CAB39L: variants seen among roughly 807,000 people sequenced by gnomAD.
CAB39L encodes calcium-binding protein 39-like.
CAB39L carries 23 observed loss-of-function variants against 39.1 expected under a neutral mutation model. The observed-to-expected ratio is 0.59, with a 90% CI of 0.42 to 0.83. The LOEUF is 0.83. Among genes scored for constraint, CAB39L ranks in the 40% least tolerant of loss-of-function variants. CAB39L has a pLI of 0.00. For missense variants in CAB39L, 366 were observed against 391.9 expected, an observed-to-expected ratio of 0.93 and a Z score of 0.56; for synonymous variants, 126 against 137.2, an observed-to-expected ratio of 0.92 and a Z score of 0.57.
chr13:49,393,858 A>G (rs1051487501), intron 3 of CAB39L, among the ~76,000 whole-genome samples: 2 of 151,948 alleles, frequency 1.3e-5, no homozygotes, highest in Admixed American at 6.6e-5. Context: ...AAATTTTAAA[A>G]AGGAAAATTA....
intron 4 of CAB39L, among the ~76,000 whole-genome samples, chr13:49,377,751 C>T (rs1280763507): frequency 1.1e-5 from 1 of 87,082 alleles, no homozygotes. Flanking sequence ...ACAACCTACA[C>T]CTCCCAGCCG....
intron 1 of CAB39L, among the ~76,000 whole-genome samples, chr13:49,436,736 A>G (rs1209344427): frequency 6.6e-6 from 1 of 151,978 alleles, no homozygotes; most frequent in Non-Finnish European, 1.5e-5. Context: ...TCCTGAGTTC[A>G]GTAAATTCAC....
intron 9 of CAB39L, among the ~76,000 whole-genome samples, chr13:49,339,092 A>G (rs1360445177): frequency 6.7e-6 from 1 of 150,144 alleles, no homozygotes; most frequent in African/African-American, 2.5e-5. Context: ...CTTAAAACTT[A>G]GAGGGAAGGT....
At chr13:49,349,475 T>C (rs1006889693) in intron 7 of CAB39L, among the ~76,000 whole-genome samples, 4 of 149,690 alleles carry the variant, frequency 2.7e-5, no homozygotes, top group South Asian at 2.1e-4. Flanking sequence ...TATATATATA[T>C]ATACATTTAA....
intron 3 of CAB39L, among the ~76,000 whole-genome samples, chr13:49,412,359 G>T (rs1957007275): frequency 1.2e-5 from 1 of 81,314 alleles, no homozygotes. Flanking sequence ...ATTTACCTTT[G>T]CCATTTAAAA....
At chr13:49,355,212 C>CA (rs57254627) in intron 6 of CAB39L, among the ~76,000 whole-genome samples, 3,256 of 104,736 alleles carry the variant, frequency 0.031, 56 homozygotes, top group African/African-American at 0.069. Context: ...CCTGTTTCTA[C>CA]AAAAAAAAAA....
chr13:49,368,682 C>T (rs2138533948), intron 5 of CAB39L, among the ~76,000 whole-genome samples: 1 of 152,264 alleles, frequency 6.6e-6, no homozygotes, highest in East Asian at 1.9e-4. Flanking sequence ...TGAAGAAGCC[C>T]TTGTGTTTGC....
chr13:49,353,342 T>C (rs1374945191), intron 6 of CAB39L, among the ~76,000 whole-genome samples: 1 of 152,180 alleles, frequency 6.6e-6, no homozygotes, highest in East Asian at 1.9e-4. Context: ...ATTGATAGAG[T>C]ACTCAAGAGA....
At chr13:49,441,435 C>T (rs909510033) in intron 1 of CAB39L, among the ~76,000 whole-genome samples, 2 of 151,516 alleles carry the variant, frequency 1.3e-5, no homozygotes, top group Admixed American at 1.3e-4. Flanking sequence ...GGCATGGTGG[C>T]ACATATCTAT....
chr13:49,392,171 T>A (rs1302387409), intron 3 of CAB39L, among the ~76,000 whole-genome samples: 1 of 152,086 alleles, frequency 6.6e-6, no homozygotes, highest in Non-Finnish European at 1.5e-5. Context: ...TATATAGAGG[T>A]TATTATACTA....
At chr13:49,417,292 C>T (rs1403859457) in intron 3 of CAB39L, among the ~76,000 whole-genome samples, 3 of 152,158 alleles carry the variant, frequency 2.0e-5, no homozygotes, top group Non-Finnish European at 2.9e-5. Flanking sequence ...GTGTAATCAA[C>T]GCTGCAATTC....
At chr13:49,351,202 C>T (rs1955339799) in intron 6 of CAB39L, 2 of 244,794 alleles carry the variant, frequency 8.2e-6, no homozygotes, top group Non-Finnish European at 1.5e-5. Flanking sequence ...ATTTCATACA[C>T]TGAGAAGGGC....
intron 3 of CAB39L, among the ~76,000 whole-genome samples, chr13:49,413,546 T>C (rs1820159010): frequency 6.6e-6 from 1 of 151,876 alleles, no homozygotes; most frequent in South Asian, 2.1e-4. Flanking sequence ...GGTAGGGAAA[T>C]GGGAGAAAAG....
chr13:49,391,960 C>T (rs573918435), intron 3 of CAB39L, among the ~76,000 whole-genome samples: 1 of 151,990 alleles, frequency 6.6e-6, no homozygotes, highest in Non-Finnish European at 1.5e-5. Flanking sequence ...CACACACACA[C>T]ACACACACAC....
intron 7 of CAB39L, among the ~76,000 whole-genome samples, chr13:49,349,603 T>G (rs1744357631): frequency 6.6e-6 from 1 of 151,870 alleles, no homozygotes; most frequent in South Asian, 2.1e-4. Context: ...GCTGATTTGG[T>G]AGACATTGAA....
intron 1 of CAB39L, 60 bp downstream of exon 1, chr13:49,443,926 G>A (rs1323518448): frequency 4.4e-6 from 2 of 456,604 alleles, no homozygotes; most frequent in East Asian, 6.9e-5. Context: ...CGCTATGTAT[G>A]TTTTCAACCC....
rs1955827661 is a variant in CAB39L, at chr13:49,368,372, G to GA, written c.277-8541dup. Among the ~76,000 whole-genome samples the GA allele has an allele frequency of 9.8e-5, 15 of 152,324 alleles. No homozygotes were observed. The South Asian group carries it at 3.1e-3, about 32-fold the overall frequency. ...AGAATAGAAAGGATTACAGAACACT[G>GA]AAACAGGTACAAGCTGGTGAATAAT... On this transcript the variant is annotated intron_variant, in intron 5 of 10. Transcript: ENST00000409308.
chr13:49,408,125 T>G (rs551173786), intron 3 of CAB39L, among the ~76,000 whole-genome samples: 2 of 152,096 alleles, frequency 1.3e-5, no homozygotes, highest in Non-Finnish European at 2.9e-5. Context: ...TAGTCTAGGA[T>G]GACAGTGAGG....
chr13:49,390,913 G>T (rs1488401633), intron 3 of CAB39L, among the ~76,000 whole-genome samples: 1 of 102,486 alleles, frequency 9.8e-6, no homozygotes, highest in African/African-American at 5.2e-5. Flanking sequence ...TAAAGGAAAA[G>T]AAAAAAACAG....
Sources: allele counts gnomAD v4.1 joint callset (sites outside exome capture counted in the v4.1 genomes callset), GRCh38; gene constraint gnomAD v4.1.1; transcripts MANE v1.5; gene names NCBI Gene and HGNC (gene_info 2026-07-23, HGNC 2026-07-21).